The following TYR variants were observed in gnomAD, a reference collection of about 807,000 sequenced individuals.
TYR encodes the protein LB24-AB.
TYR carries 58 observed loss-of-function variants against 51.5 expected under a neutral mutation model. The ratio of observed to expected loss-of-function variants is 1.13; its 90% CI spans 0.91 to 1.40. The LOEUF (loss-of-function observed/expected upper bound fraction) is 1.40. Ranked by LOEUF, TYR falls within the 40% of genes most tolerant of loss-of-function variation. The probability of loss-of-function intolerance (pLI) is 0.00; values close to 1 mark genes in which losing one functional copy is unlikely to be tolerated. For synonymous variants in TYR, 263 were observed against 235.2 expected, an observed-to-expected ratio of 1.12 and a Z score of -1.08; for missense variants, 732 against 647.4, an observed-to-expected ratio of 1.13 and a Z score of -1.42.
chr11:89,278,884 CT>C, intron 3 of TYR, among the ~76,000 whole-genome samples: 1 of 151,802 alleles, frequency 6.6e-6, no homozygotes, highest in Non-Finnish European at 1.5e-5. Flanking sequence ...GTTTTTCAGA[CT>C]TTCTTTGTTT....
intron 3 of TYR, among the ~76,000 whole-genome samples, chr11:89,257,424 A>G (rs1433744940): frequency 1.3e-5 from 2 of 152,042 alleles, no homozygotes; most frequent in Non-Finnish European, 2.9e-5. Flanking sequence ...ATTTCTGATT[A>G]ATTATTCCTT....
At chr11:89,193,335 A>G (rs1031457795) in intron 2 of TYR, among the ~76,000 whole-genome samples, 1 of 152,142 alleles carries the variant, frequency 6.6e-6, no homozygotes, top group African/African-American at 2.4e-5. Flanking sequence ...AAGTCAAAGA[A>G]AAAAAGTGGC....
chr11:89,218,411 A>G (rs536935750), intron 2 of TYR, among the ~76,000 whole-genome samples: 7 of 152,328 alleles, frequency 4.6e-5, no homozygotes, highest in East Asian at 3.9e-4. Flanking sequence ...AACTAATTAT[A>G]ATCCAAAGAA....
chr11:89,286,637 G>A (rs1314474125), intron 4 of TYR, among the ~76,000 whole-genome samples: 1 of 151,752 alleles, frequency 6.6e-6, no homozygotes, highest in African/African-American at 2.4e-5. Context: ...CCCTTTGAGG[G>A]ATGATTAATT....
intron 2 of TYR, among the ~76,000 whole-genome samples, chr11:89,195,894 TTTTA>T (rs200888587): frequency 0.036 from 5,509 of 152,138 alleles, 136 homozygotes; most frequent in Middle Eastern, 0.068. Context: ...TTACTTTTTC[TTTTA>T]TTTATTTTTT....
chr11:89,286,365 C>A (rs1944786736), intron 4 of TYR, among the ~76,000 whole-genome samples: 1 of 151,660 alleles, frequency 6.6e-6, no homozygotes, highest in Non-Finnish European at 1.5e-5. Context: ...ATAAGTTGAC[C>A]CAGTTTATAA....
chr11:89,239,486 T>C (rs1366085567), intron 3 of TYR, among the ~76,000 whole-genome samples: 1 of 152,090 alleles, frequency 6.6e-6, no homozygotes, highest in African/African-American at 2.4e-5. Context: ...TATGTCAATT[T>C]TGTTTACCTT....
chr11:89,275,457 C>T (rs527861369), intron 3 of TYR, among the ~76,000 whole-genome samples: 1 of 152,000 alleles, frequency 6.6e-6, no homozygotes, highest in African/African-American at 2.4e-5. Context: ...AAATGGAACC[C>T]CAGATCTTCT....
intron 3 of TYR, among the ~76,000 whole-genome samples, chr11:89,265,592 G>T (rs1944516361): frequency 6.6e-6 from 1 of 152,006 alleles, no homozygotes; most frequent in African/African-American, 2.4e-5. Flanking sequence ...GAGTCTTCTT[G>T]AGATGTTTCT....
chr11:89,181,158 G>A (rs370687268), intron 1 of TYR, among the ~76,000 whole-genome samples: 1 of 151,978 alleles, frequency 6.6e-6, no homozygotes, highest in African/African-American at 2.4e-5. Context: ...GGGACTACAG[G>A]GGCCTGCCAC....
intron 3 of TYR, among the ~76,000 whole-genome samples, chr11:89,243,084 T>C (rs1944220459): frequency 6.6e-6 from 1 of 152,206 alleles, no homozygotes; most frequent in Admixed American, 6.5e-5. Context: ...TGAATAACTA[T>C]TCTTCAAAAA....
Position 89,280,705 on chromosome 11 carries a change from A to AT in TYR, c.1185-4060dup, listed in dbSNP as rs928586658. Among the ~76,000 whole-genome samples, 30 of 151,284 alleles carry AT rather than the reference A, an allele frequency of 2.0e-4. No individual in the cohort carries two copies. In the East Asian group the frequency reaches 2.7e-3, roughly 14 times the overall value. The stretch of plus-strand genomic sequence containing the variant: ...TCTAATGATTGCTTTATCTCTTCAG[A>AT]TTTTTTTTCTTCTCTGTTGCCATGA... On this transcript the variant is annotated intron_variant, in intron 3 of 4. Transcript: ENST00000263321.
intron 1 of TYR, among the ~76,000 whole-genome samples, chr11:89,179,281 T>C (rs1006726768): frequency 1.3e-5 from 2 of 152,162 alleles, no homozygotes; most frequent in Admixed American, 6.5e-5. Flanking sequence ...GAAGGCACAA[T>C]TTACTAAATG....
chr11:89,260,000 A>G (rs1227338904), intron 3 of TYR, among the ~76,000 whole-genome samples: 5 of 152,094 alleles, frequency 3.3e-5, no homozygotes, highest in Admixed American at 6.6e-5. Flanking sequence ...AACTTTGGAC[A>G]TGTTATTTCC....
intron 3 of TYR, among the ~76,000 whole-genome samples, chr11:89,279,137 G>A (rs1395107613): frequency 6.6e-6 from 1 of 151,612 alleles, no homozygotes; most frequent in East Asian, 2.0e-4. Context: ...GAGATTGGAA[G>A]GCCTCAGAAG....
intron 3 of TYR, among the ~76,000 whole-genome samples, chr11:89,230,493 C>A (rs1299858139): frequency 6.6e-6 from 1 of 151,876 alleles, no homozygotes; most frequent in Non-Finnish European, 1.5e-5. Context: ...TGGAGAGGAG[C>A]CCCAAAGCAA....
At chr11:89,287,179 C>CGA (rs1182102469) in intron 4 of TYR, among the ~76,000 whole-genome samples, 1 of 151,724 alleles carries the variant, frequency 6.6e-6, no homozygotes, top group African/African-American at 2.4e-5. Flanking sequence ...ATCTTGCAAG[C>CGA]TTCTCCATTC....
At chr11:89,263,407 T>C (rs1343955590) in intron 3 of TYR, among the ~76,000 whole-genome samples, 1 of 151,754 alleles carries the variant, frequency 6.6e-6, no homozygotes, top group East Asian at 1.9e-4. Context: ...TACTCACTTA[T>C]TAAAAACTGA....
At chr11:89,251,285 A>G (rs1246115206) in intron 3 of TYR, among the ~76,000 whole-genome samples, 5 of 152,102 alleles carry the variant, frequency 3.3e-5, no homozygotes, top group African/African-American at 1.2e-4. Context: ...TATTCATAAC[A>G]TATCTGTTTA....
Sources: gnomAD v4.1 joint callset for allele counts (sites outside exome capture counted in the v4.1 genomes callset) on GRCh38, gnomAD v4.1.1 for gene constraint, MANE v1.5 for transcripts, NCBI Gene and HGNC (gene_info 2026-07-23, HGNC 2026-07-21) for gene names.